CHL1: variants seen among roughly 807,000 people sequenced by gnomAD.
CHL1 encodes neural cell adhesion molecule L1-like protein.
Under a neutral mutation model 141.9 loss-of-function variants are expected in CHL1, and 96 were observed. That is an observed-to-expected ratio of 0.68 (90% confidence interval 0.57 to 0.80). CHL1 has a LOEUF of 0.80. Among genes scored for constraint, CHL1 ranks in the 30% least tolerant of loss-of-function variants. The pLI, the probability that CHL1 is intolerant of heterozygous loss-of-function variation, is 0.00. For missense variants in CHL1, 1,820 were observed against 1,457.2 expected, an observed-to-expected ratio of 1.25 and a Z score of -4.05; for synonymous variants, 613 against 502.2, an observed-to-expected ratio of 1.22 and a Z score of -2.95.
intron 27 of CHL1, among the ~76,000 whole-genome samples, chr3:404,738 A>C (rs956636838): frequency 1.4e-4 from 21 of 152,204 alleles, no homozygotes; most frequent in Admixed American, 1.2e-3. Context: ...TCAGAAGTAA[A>C]GGCAGAAGAT....
chr3:385,149 C>T (rs1301542553), intron 19 of CHL1, among the ~76,000 whole-genome samples: 1 of 152,168 alleles, frequency 6.6e-6, no homozygotes, highest in African/African-American at 2.4e-5. Flanking sequence ...TAGGGTGTAT[C>T]TGTATTATCC....
At chr3:322,698 G>T (rs1700698085) in intron 3 of CHL1, among the ~76,000 whole-genome samples, 1 of 139,018 alleles carries the variant, frequency 7.2e-6, no homozygotes, top group Non-Finnish European at 1.5e-5. Flanking sequence ...AAAACGAATA[G>T]CTGGGTGTGG....
At chr3:402,778 GAATAAAGAAC>G (rs1709244175) in intron 27 of CHL1, among the ~76,000 whole-genome samples, 1 of 151,270 alleles carries the variant, frequency 6.6e-6, no homozygotes. Context: ...ATTCTTTCCA[GAATAAAGAAC>G]AATAAAGAGA....
chr3:276,693 T>A (rs936745497), intron 2 of CHL1, among the ~76,000 whole-genome samples: 1 of 151,592 alleles, frequency 6.6e-6, no homozygotes, highest in African/African-American at 2.4e-5. Context: ...ATTGAGACCG[T>A]CCTGGCTAAC....
intron 23 of CHL1, among the ~76,000 whole-genome samples, chr3:392,501 T>C (rs1242055712): frequency 6.6e-6 from 1 of 152,250 alleles, no homozygotes; most frequent in African/African-American, 2.4e-5. Context: ...TCGTTTTTAA[T>C]AGCAGCGCGT....
chr3:315,360 A>C (rs1055004825), intron 2 of CHL1, among the ~76,000 whole-genome samples: 3 of 152,126 alleles, frequency 2.0e-5, no homozygotes, highest in Admixed American at 1.3e-4. Flanking sequence ...TCACTTTGTC[A>C]TGTGACCAGT....
At chr3:256,424 A>C (rs1302992314) in intron 2 of CHL1, among the ~76,000 whole-genome samples, 1 of 152,246 alleles carries the variant, frequency 6.6e-6, no homozygotes, top group Non-Finnish European at 1.5e-5. Context: ...TGTACAACTC[A>C]GTACCTTTGG....
intron 5 of CHL1, among the ~76,000 whole-genome samples, chr3:336,707 T>C (rs1179977913): frequency 6.6e-6 from 1 of 152,234 alleles, no homozygotes; most frequent in Admixed American, 6.5e-5. Flanking sequence ...TAGATATAAA[T>C]TCTGTTTTCA....
chr3:328,077 T>C, intron 4 of CHL1, 90 bp from the exon 5 acceptor site: 1 of 937,262 alleles, frequency 1.1e-6, no homozygotes, highest in Non-Finnish European at 1.6e-6. Context: ...TAAAATGTCT[T>C]GGTTTTGTCA....
intron 3 of CHL1, among the ~76,000 whole-genome samples, chr3:320,535 G>T (rs1055654080): frequency 1.3e-5 from 2 of 151,898 alleles, no homozygotes; most frequent in African/African-American, 2.4e-5. Flanking sequence ...AAATAGATCA[G>T]CATCAGCAGG....
intron 1 of CHL1, among the ~76,000 whole-genome samples, chr3:229,978 A>G (rs957921721): frequency 7.9e-5 from 12 of 152,080 alleles, no homozygotes; most frequent in African/African-American, 2.9e-4. Flanking sequence ...CGTTTTGTTT[A>G]GGGTGGATCT....
chr3:363,484 T>C (rs1704495756), intron 14 of CHL1, 101 bp downstream of exon 14: 4 of 1,108,506 alleles, frequency 3.6e-6, no homozygotes, highest in Admixed American at 2.5e-5. Context: ...GAGTACCAGA[T>C]AAAGTTCTTT....
At chr3:336,681 G>A (rs1429637037) in intron 5 of CHL1, among the ~76,000 whole-genome samples, 1 of 152,194 alleles carries the variant, frequency 6.6e-6, no homozygotes, top group Non-Finnish European at 1.5e-5. Flanking sequence ...CCTAGTTTAT[G>A]CTGTAGGATA....
chr3:402,385 A>G (rs1709216087), intron 27 of CHL1, among the ~76,000 whole-genome samples: 1 of 152,156 alleles, frequency 6.6e-6, no homozygotes, highest in South Asian at 2.1e-4. Flanking sequence ...GGGACGTGTT[A>G]AACTGTCTCA....
intron 3 of CHL1, among the ~76,000 whole-genome samples, chr3:321,408 C>T (rs764174421): frequency 5.9e-5 from 9 of 151,960 alleles, no homozygotes; most frequent in African/African-American, 9.7e-5. Flanking sequence ...AAATTCTGGT[C>T]GGGAGTCTAA....
chr3:390,952 C>A lies in CHL1; in HGVS notation c.2587-3C>A. The A allele has an allele frequency of 1.2e-6, 2 of 1,612,440 alleles. No homozygotes were observed. ...TACTAAAAGATTTTGGTTTTCATTG[C>A]AGATAAATTGGTGGAAAACAAAAAG... On this transcript the variant is annotated splice_region_variant and splice_polypyrimidine_tract_variant and intron_variant, in intron 21 of 27. Coordinates refer to ENST00000256509, the MANE Select transcript of CHL1 (RefSeq NM_006614.4).
intron 1 of CHL1, among the ~76,000 whole-genome samples, chr3:242,485 A>G (rs1305162623): frequency 3.3e-5 from 5 of 151,446 alleles, no homozygotes; most frequent in East Asian, 3.9e-4. Context: ...AGTCCCAGCT[A>G]CCTGGGAGGC....
At chr3:362,503 CTTGCTTACTGAGATGT>C (rs1411967955) in intron 13 of CHL1, among the ~76,000 whole-genome samples, 1 of 151,858 alleles carries the variant, frequency 6.6e-6, no homozygotes, top group Non-Finnish European at 1.5e-5. Context: ...TATTATTTAC[CTTGCTTACTGAGATGT>C]TTGGCACCCT....
At chr3:402,729 C>T (rs1265501362) in intron 27 of CHL1, among the ~76,000 whole-genome samples, 3 of 151,828 alleles carry the variant, frequency 2.0e-5, no homozygotes, top group Non-Finnish European at 4.4e-5. Flanking sequence ...TAGTCAATAC[C>T]CTTTTTATAT....
Sources: gnomAD v4.1 joint callset for allele counts (sites outside exome capture counted in the v4.1 genomes callset) on GRCh38, gnomAD v4.1.1 for gene constraint, MANE v1.5 for transcripts, NCBI Gene and HGNC (gene_info 2026-07-23, HGNC 2026-07-21) for gene names.